SFMBT2: variants seen among roughly 807,000 people sequenced by gnomAD.
The protein encoded by SFMBT2 is scm-like with four MBT domains protein 2.
SFMBT2 carries 38 observed loss-of-function variants against 110.1 expected under a neutral mutation model. The observed-to-expected ratio is 0.35, with a 90% confidence interval of 0.27 to 0.45. The LOEUF is 0.45. Ranked by LOEUF, SFMBT2 falls within the 20% of genes least tolerant of loss-of-function variation. SFMBT2 has a pLI of 1.00. For synonymous variants in SFMBT2, 425 were observed against 425.4 expected, an observed-to-expected ratio of 1.00 and a Z score of 0.01; for missense variants, 1,011 against 1,094.9, an observed-to-expected ratio of 0.92 and a Z score of 1.08.
intron 7 of SFMBT2, chr10:7,249,629 A>T (rs1840736030): frequency 1.2e-6 from 1 of 815,354 alleles, no homozygotes; most frequent in Non-Finnish European, 1.5e-6. Flanking sequence ...TAATTACTCC[A>T]ACGACGCCAC....
At position 7,220,671 on chromosome 10, in the gene SFMBT2, T is replaced by C; in HGVS notation, c.1204-134A>G. 3 of 883,600 alleles carry C rather than the reference T, an allele frequency of 3.4e-6. 1 individual carries two copies. The South Asian group carries it at 4.9e-5, about 15-fold the overall frequency. The allele number at this position is 883,600 out of a possible 1,614,324, so 54.7% of individuals were successfully genotyped here. On this transcript the variant is annotated intron_variant, in intron 10 of 20. Coordinates refer to ENST00000397167, the MANE Select transcript of SFMBT2 (RefSeq NM_001387889.1). ...GACAGGCTCACGTATGTGTTTGTCC[T>C]TCCCACTGTTCATGAAGAAAGAACC...
rs1309834615 is a variant in SFMBT2 at position 7,301,909 on chromosome 10, T to C, written c.437-15955A>G. ...TGGGCTGGGAGACCTCAGGAGCTAATCCAGCATAGTTATGCAGACTAGAAC... is the reference window on the plus strand; with the variant it reads ...TGGGCTGGGAGACCTCAGGAGCTAACCCAGCATAGTTATGCAGACTAGAAC... On this transcript the variant is annotated intron_variant, in intron 4 of 20. Coordinates refer to ENST00000397167, the MANE Select transcript of SFMBT2 (RefSeq NM_001387889.1). The surrounding 1 kb of genome is among the most constrained non-coding windows in gnomAD (Gnocchi z 4.2). Among the ~76,000 whole-genome samples the C allele has an allele frequency of 6.6e-6, 1 of 152,070 alleles. No homozygotes were observed. The highest frequency in any genetic ancestry group is 2.4e-5 in the African/African-American group (1 of 41,392).
At chr10:7,238,777 AATT>A (rs1840341234) in intron 9 of SFMBT2, among the ~76,000 whole-genome samples, 1 of 152,216 alleles carries the variant, frequency 6.6e-6, no homozygotes. Context: ...TTCCTCCACT[AATT>A]ATACAACTAA....
At chr10:7,393,358 G>A (rs1445247893) in intron 1 of SFMBT2, among the ~76,000 whole-genome samples, 1 of 151,944 alleles carries the variant, frequency 6.6e-6, no homozygotes, top group African/African-American at 2.4e-5. Flanking sequence ...ACACATACAA[G>A]GCTGTTTCAG....
chr10:7,306,521 C>G (rs896146171), intron 4 of SFMBT2, among the ~76,000 whole-genome samples: 1 of 152,144 alleles, frequency 6.6e-6, no homozygotes, highest in Non-Finnish European at 1.5e-5. Context: ...AATATTTACT[C>G]TGTGGCCTTT....
chr10:7,403,274 C>T (rs769716753), intron 1 of SFMBT2, among the ~76,000 whole-genome samples: 1 of 152,194 alleles, frequency 6.6e-6, no homozygotes, highest in Non-Finnish European at 1.5e-5. Context: ...TCTCCAAAGA[C>T]TCAATCAAAC....
chr10:7,274,951 T>C (rs1268869654), intron 7 of SFMBT2, among the ~76,000 whole-genome samples: 2 of 152,158 alleles, frequency 1.3e-5, no homozygotes, highest in African/African-American at 4.8e-5. Flanking sequence ...CACATCCAGC[T>C]TTCTTCCCTC....
At chr10:7,239,261 T>C (rs1260521269) in intron 9 of SFMBT2, among the ~76,000 whole-genome samples, 1 of 152,210 alleles carries the variant, frequency 6.6e-6, no homozygotes. Context: ...ACCCAATACA[T>C]TCATGGGAAA....
chr10:7,383,797 C>T (rs959881768), intron 1 of SFMBT2, among the ~76,000 whole-genome samples: 6 of 152,208 alleles, frequency 3.9e-5, no homozygotes, highest in Admixed American at 1.3e-4. Flanking sequence ...AGGTTTGAGG[C>T]GTAGAAGTCA....
intron 4 of SFMBT2, among the ~76,000 whole-genome samples, chr10:7,298,178 C>T (rs1007866833): frequency 1.3e-5 from 2 of 152,216 alleles, no homozygotes; most frequent in Admixed American, 6.5e-5. Context: ...TCTTGGGATT[C>T]CCCTAACAGC....
At chr10:7,335,640 A>G (rs1843700643) in intron 4 of SFMBT2, among the ~76,000 whole-genome samples, 1 of 151,072 alleles carries the variant, frequency 6.6e-6, no homozygotes, top group Non-Finnish European at 1.5e-5. Context: ...CATAAATTGC[A>G]CAGAACACTT....
At chr10:7,202,391 C>G in intron 13 of SFMBT2, 89 bp downstream of exon 13, 2 of 1,526,174 alleles carry the variant, frequency 1.3e-6, no homozygotes. Context: ...TAGATAACTC[C>G]AATAAAAACA....
intron 1 of SFMBT2, among the ~76,000 whole-genome samples, chr10:7,401,928 T>C (rs11255114): frequency 0.026 from 3,891 of 152,258 alleles, 90 homozygotes; most frequent in Non-Finnish European, 0.038. Context: ...GCAGGCTATT[T>C]AGAACGGTCT....
chr10:7,169,129 A>AT (rs560366619), intron 20 of SFMBT2, among the ~76,000 whole-genome samples: 48 of 146,928 alleles, frequency 3.3e-4, no homozygotes, highest in East Asian at 5.9e-4. Context: ...CGCCCAGCTA[A>AT]TTTTTTTTTT....
intron 4 of SFMBT2, among the ~76,000 whole-genome samples, chr10:7,330,602 A>G (rs1214141584): frequency 6.6e-6 from 1 of 152,142 alleles, no homozygotes; most frequent in Non-Finnish European, 1.5e-5. Flanking sequence ...TACAAGCAAG[A>G]AAAACTCCAC....
chr10:7,342,597 G>A (rs1181485437), intron 4 of SFMBT2, among the ~76,000 whole-genome samples: 1 of 151,724 alleles, frequency 6.6e-6, no homozygotes, highest in Admixed American at 6.6e-5. Flanking sequence ...TTTTAATAGA[G>A]ACAGGGTTTC....
chr10:7,317,536 G>C (rs1409003558), intron 4 of SFMBT2, among the ~76,000 whole-genome samples: 3 of 151,202 alleles, frequency 2.0e-5, no homozygotes, highest in Non-Finnish European at 4.4e-5. Context: ...AGCTACTCAG[G>C]AGGCTGAGGG....
intron 4 of SFMBT2, among the ~76,000 whole-genome samples, chr10:7,362,314 T>C (rs1170114088): frequency 2.0e-5 from 3 of 152,174 alleles, no homozygotes; most frequent in Admixed American, 1.3e-4. Flanking sequence ...AGTGATGACA[T>C]CTCCTGGAGC....
chr10:7,188,267 G>C (rs1161624734), intron 16 of SFMBT2, among the ~76,000 whole-genome samples: 1 of 152,158 alleles, frequency 6.6e-6, no homozygotes, highest in Non-Finnish European at 1.5e-5. Context: ...AAAATGAAGA[G>C]CTGTTTATGA....
Sources: allele counts gnomAD v4.1 joint callset (sites outside exome capture counted in the v4.1 genomes callset), GRCh38; gene constraint gnomAD v4.1.1; non-coding constraint Gnocchi (gnomAD v3.1); transcripts MANE v1.5; gene names NCBI Gene and HGNC (gene_info 2026-07-23, HGNC 2026-07-21).